The following GLIS3 variants were observed in gnomAD, a reference collection of about 807,000 sequenced individuals.
GLIS3 encodes zinc finger protein GLIS3.
Under a neutral mutation model 78.6 loss-of-function variants are expected in GLIS3, and 53 were observed. That is an observed-to-expected ratio of 0.67 (90% CI 0.54 to 0.85). GLIS3 has a LOEUF of 0.85. GLIS3 is among the 40% of genes least tolerant of loss of function. GLIS3 has a pLI of 0.00. For synonymous variants in GLIS3, 684 were observed against 509.9 expected (o/e 1.34, Z -4.60); for missense variants, 1,703 against 1,231.1 (o/e 1.38, Z -5.74).
the GLIS3 span, among the ~76,000 whole-genome samples, chr9:4,461,738 C>G: frequency 3.3e-5 from 5 of 152,190 alleles, no homozygotes; most frequent in Non-Finnish European, 7.3e-5. Flanking sequence ...TTTTCCCTCA[C>G]CCAATATCAG....
the GLIS3 span, among the ~76,000 whole-genome samples, chr9:4,471,199 C>T: frequency 6.6e-6 from 1 of 152,172 alleles, no homozygotes; most frequent in Admixed American, 6.5e-5. Context: ...TTTATAGATT[C>T]AATGCCATCC....
intron 2 of GLIS3, among the ~76,000 whole-genome samples, chr9:4,319,915 C>A (rs10814931): frequency 3.3e-5 from 5 of 151,862 alleles, no homozygotes; most frequent in African/African-American, 1.2e-4. Flanking sequence ...AATCTGTCTA[C>A]GCATGGCTCA....
chr9:3,949,175 T>C (rs542521893), intron 4 of GLIS3, among the ~76,000 whole-genome samples: 6 of 152,328 alleles, frequency 3.9e-5, no homozygotes, highest in African/African-American at 1.4e-4. Flanking sequence ...TTGCTCTCTT[T>C]CTTTTTTTCT....
At chr9:4,180,054 G>A (rs1817165557) in intron 2 of GLIS3, among the ~76,000 whole-genome samples, 1 of 152,102 alleles carries the variant, frequency 6.6e-6, no homozygotes, top group African/African-American at 2.4e-5. Flanking sequence ...ACGGATACCT[G>A]ACTTAGAGAC....
At chr9:4,276,545 A>C (rs1827038529) in intron 2 of GLIS3, among the ~76,000 whole-genome samples, 1 of 46,832 alleles carries the variant, frequency 2.1e-5, no homozygotes, top group Non-Finnish European at 4.0e-5. Flanking sequence ...AGGGGACGGA[A>C]GGGGAGGGGA....
At chr9:4,191,999 T>C (rs1818374677) in intron 2 of GLIS3, among the ~76,000 whole-genome samples, 1 of 152,176 alleles carries the variant, frequency 6.6e-6, no homozygotes, top group Non-Finnish European at 1.5e-5. Context: ...AAAATGTGTC[T>C]ATATATCTTT....
chr9:4,268,190 T>C (rs920032801), intron 2 of GLIS3, among the ~76,000 whole-genome samples: 1 of 152,064 alleles, frequency 6.6e-6, no homozygotes, highest in African/African-American at 2.4e-5. Context: ...ATTACTCAGT[T>C]ACACCTTAGT....
chr9:4,461,888 T>C, the GLIS3 span, among the ~76,000 whole-genome samples: 137 of 152,352 alleles, frequency 9.0e-4, 1 homozygote, highest in Admixed American at 2.9e-3. Context: ...AGATCCTTTG[T>C]TACTGCAGCA....
At chr9:4,371,017 A>C in the GLIS3 span, among the ~76,000 whole-genome samples, 17 of 152,212 alleles carry the variant, frequency 1.1e-4, no homozygotes, top group African/African-American at 3.9e-4. Flanking sequence ...GTTAACAGTG[A>C]CCTGGGTTGG....
chr9:4,041,533 G>A (rs1385804677), intron 4 of GLIS3, among the ~76,000 whole-genome samples: 1 of 152,190 alleles, frequency 6.6e-6, no homozygotes, highest in African/African-American at 2.4e-5. Flanking sequence ...TTTTTAGTGT[G>A]TGTGTGTCTC....
At chr9:4,433,957 G>A in the GLIS3 span, among the ~76,000 whole-genome samples, 343 of 152,166 alleles carry the variant, frequency 2.3e-3, no homozygotes, top group African/African-American at 7.8e-3. Flanking sequence ...TTAGCTGGGC[G>A]TGGTGGCACA....
At chr9:3,882,827 C>T (rs749663125) in intron 7 of GLIS3, among the ~76,000 whole-genome samples, 4 of 152,134 alleles carry the variant, frequency 2.6e-5, no homozygotes, top group Non-Finnish European at 4.4e-5. Context: ...GAAATCACTT[C>T]TCTGGAAAAC....
At chr9:3,852,496 T>G in intron 9 of GLIS3, among the ~76,000 whole-genome samples, 1 of 152,198 alleles carries the variant, frequency 6.6e-6, no homozygotes, top group East Asian at 1.9e-4. Flanking sequence ...TCCAGCAAAC[T>G]CGTCCAACAA....
intron 4 of GLIS3, among the ~76,000 whole-genome samples, chr9:3,985,038 A>G (rs902012663): frequency 2.0e-5 from 3 of 151,858 alleles, no homozygotes; most frequent in African/African-American, 7.3e-5. Flanking sequence ...TAAATTGCCC[A>G]GTCTCAGGTA....
intron 6 of GLIS3, among the ~76,000 whole-genome samples, chr9:3,903,140 G>T (rs1823435663): frequency 1.3e-5 from 2 of 152,148 alleles, no homozygotes; most frequent in South Asian, 4.1e-4. Flanking sequence ...GTTATCTCCT[G>T]TGAGAAGTAA....
intron 2 of GLIS3, among the ~76,000 whole-genome samples, chr9:4,234,406 G>A (rs1281733855): frequency 6.6e-6 from 1 of 152,290 alleles, no homozygotes; most frequent in African/African-American, 2.4e-5. Context: ...AGAGCACAAG[G>A]AGAGGGAGAG....
chr9:4,292,088 T>C (rs1464170468), intron 1 of GLIS3, among the ~76,000 whole-genome samples: 1 of 152,060 alleles, frequency 6.6e-6, no homozygotes, highest in Non-Finnish European at 1.5e-5. Context: ...AAAACGTAAA[T>C]AAGTTCAGAA....
intron 4 of GLIS3, among the ~76,000 whole-genome samples, chr9:4,020,889 T>G (rs1038574342): frequency 2.0e-5 from 3 of 152,198 alleles, no homozygotes; most frequent in African/African-American, 7.2e-5. Flanking sequence ...ACAGCCACAG[T>G]AACACTCACC....
At chr9:4,302,776 G>T (rs1260596079), upstream of GLIS3, among the ~76,000 whole-genome samples, 1 of 152,220 alleles carries the variant, frequency 6.6e-6, no homozygotes, top group African/African-American at 2.4e-5. Context: ...GGTGTATAAA[G>T]TGCAAAGCAT....
Sources: allele counts gnomAD v4.1 joint callset (sites outside exome capture counted in the v4.1 genomes callset), GRCh38; gene constraint gnomAD v4.1.1; transcripts MANE v1.5; gene names NCBI Gene and HGNC (gene_info 2026-07-23, HGNC 2026-07-21).